CXXC5: variants seen among roughly 807,000 people sequenced by gnomAD.
The protein encoded by CXXC5 is CXXC-type zinc finger protein 5.
CXXC5 carries 2 observed loss-of-function variants against 17.6 expected under a neutral mutation model. The observed-to-expected ratio is 0.11, with a 90% CI of 0.05 to 0.36. The LOEUF (loss-of-function observed/expected upper bound fraction) is 0.36, where lower values mean the gene tolerates loss of function less well. Among genes scored for constraint, CXXC5 ranks in the 10% least tolerant of loss-of-function variants. CXXC5 has a pLI of 1.00. For missense variants in CXXC5, 343 were observed against 458.3 expected, an observed-to-expected ratio of 0.75 and a Z score of 2.30; for synonymous variants, 171 against 193.0, an observed-to-expected ratio of 0.89 and a Z score of 0.94.
chr5:139,671,789 C>T (rs772424169), intron 1 of CXXC5, among the ~76,000 whole-genome samples: 34 of 152,234 alleles, frequency 2.2e-4, no homozygotes, highest in Non-Finnish European at 2.1e-4. Flanking sequence ...TTCCCCAAGC[C>T]GAGAGCTGAA....
At position 139,658,941 on chromosome 5, in the gene CXXC5, C is replaced by T. The variant is rs1334623560; in HGVS notation, c.-161+10096C>T. Reference sequence around the variant, plus strand: ...CTGAGAGATTCTGTTTGGAGTCATCCTAATGCCTCCAGAAGCCTGGGAGGG... The same window carrying T: ...CTGAGAGATTCTGTTTGGAGTCATCTTAATGCCTCCAGAAGCCTGGGAGGG... On this transcript the variant is annotated intron_variant, in intron 1 of 2. Transcript: ENST00000302517. This position sits in a 1 kb window ranked among gnomAD's most constrained non-coding sequence, Gnocchi z 4.1. Among the ~76,000 whole-genome samples the T allele has an allele frequency of 1.3e-5, 2 of 152,238 alleles. No homozygotes were observed. The highest frequency in any genetic ancestry group is 2.9e-5 in the Non-Finnish European group (2 of 68,046).
chr5:139,656,619 G>C (rs1261782284), intron 1 of CXXC5, among the ~76,000 whole-genome samples: 4 of 151,984 alleles, frequency 2.6e-5, no homozygotes, highest in African/African-American at 4.9e-5. Context: ...ATATGGCAGT[G>C]ATTACTTCTT....
rs1331626591 is a variant in CXXC5 at position 139,668,421 on chromosome 5, G to A, written c.-160-11943G>A. On this transcript the variant is annotated intron_variant, in intron 1 of 2. Transcript: ENST00000302517. The surrounding 1 kb of genome is among the most constrained non-coding windows in gnomAD (Gnocchi z 4.1). ...TGGCGGCCGCGTCTGCCGCCCCGGC[G>A]CCCGCCCGGGTCCCAGGCCGACTAA... Among the ~76,000 whole-genome samples, 1 of 151,916 alleles carries A rather than the reference G, an allele frequency of 6.6e-6. No homozygotes were observed. The highest frequency in any genetic ancestry group is 2.4e-5 in the African/African-American group (1 of 41,370).
chr5:139,678,973 TGAG>T (rs2126820026), intron 1 of CXXC5, among the ~76,000 whole-genome samples: 1 of 152,328 alleles, frequency 6.6e-6, no homozygotes, highest in South Asian at 2.1e-4. Flanking sequence ...TCCCTTCAGC[TGAG>T]GAGGCAGCTC....
In CXXC5 at chr5:139,665,062, G is replaced by T. The variant is rs982140417; in HGVS notation, c.-160-15302G>T. Among the ~76,000 whole-genome samples, 6 of 152,214 alleles carry T rather than the reference G, an allele frequency of 3.9e-5. No individual in the cohort carries two copies. The South Asian group carries it at 1.2e-3, about 32-fold the overall frequency. On this transcript the variant is annotated intron_variant, in intron 1 of 2. Transcript: ENST00000302517. The stretch of plus-strand genomic sequence containing the variant: ...TCTTGAGGATTCTGGGAAGGAGATG[G>T]TGCCAATCTGCTGGCTCAGCCAGCT...
intron 1 of CXXC5, among the ~76,000 whole-genome samples, chr5:139,654,845 A>T (rs1173373862): frequency 1.3e-5 from 2 of 152,144 alleles, no homozygotes; most frequent in African/African-American, 4.8e-5. Flanking sequence ...AGGCTCAGGG[A>T]CAAGGGGACT....
intron 1 of CXXC5, among the ~76,000 whole-genome samples, chr5:139,671,636 C>T (rs564084415): frequency 1.3e-5 from 2 of 152,230 alleles, no homozygotes; most frequent in Non-Finnish European, 2.9e-5. Context: ...GCGGAATGCC[C>T]GGAGCTCTGG....
At position 139,663,766 on chromosome 5, in the gene CXXC5, C is replaced by T. The variant is rs1259157454; in HGVS notation, c.-161+14921C>T. ...GTGGACAGTAAAAACAACAACATGGCTATCCTTAGTTGAGCACCTACTGCA... is the reference window on the plus strand; with the variant it reads ...GTGGACAGTAAAAACAACAACATGGTTATCCTTAGTTGAGCACCTACTGCA... On this transcript the variant is annotated intron_variant, in intron 1 of 2. Coordinates refer to ENST00000302517, the MANE Select transcript of CXXC5 (RefSeq NM_016463.9). This position sits in a 1 kb window ranked among gnomAD's most constrained non-coding sequence, Gnocchi z 4.2. Among the ~76,000 whole-genome samples, 5 of 152,234 alleles carry T rather than the reference C, an allele frequency of 3.3e-5. No individual in the cohort carries two copies. Among genetic ancestry groups the T allele is most frequent in the African/African-American group, 1.2e-4 (5 of 41,456 alleles).
rs145308651 is a variant in CXXC5 at position 139,665,389 on chromosome 5, T to C, written c.-160-14975T>C. Among the ~76,000 whole-genome samples, 1,118 of 152,330 alleles carry C rather than the reference T, an allele frequency of 7.3e-3. 8 individuals carry two copies. The highest frequency in any genetic ancestry group is 0.014 in the Admixed American group (216 of 15,296). ...GCACCGGGATGAGCTGGGCCGGCCATGGGTCTCCCAGAGCCCCCACCTCCT... is the reference window on the plus strand; with the variant it reads ...GCACCGGGATGAGCTGGGCCGGCCACGGGTCTCCCAGAGCCCCCACCTCCT... On this transcript the variant is annotated intron_variant, in intron 1 of 2. Transcript: ENST00000302517.
At chr5:139,672,612 A>AG (rs1316129016) in intron 1 of CXXC5, among the ~76,000 whole-genome samples, 23 of 152,200 alleles carry the variant, frequency 1.5e-4, no homozygotes, top group African/African-American at 5.1e-4. Context: ...CTTCCTCCTG[A>AG]GGTCTGGAGG....
At chr5:139,677,033 C>T (rs1018244671) in intron 1 of CXXC5, among the ~76,000 whole-genome samples, 17 of 151,902 alleles carry the variant, frequency 1.1e-4, no homozygotes, top group African/African-American at 4.1e-4. Context: ...TCCCAGCTCC[C>T]GGCTGGCCGG....
chr5:139,667,462 C>T (rs902877587), intron 1 of CXXC5, among the ~76,000 whole-genome samples: 1 of 152,214 alleles, frequency 6.6e-6, no homozygotes, highest in African/African-American at 2.4e-5. Flanking sequence ...GCATAGGGCT[C>T]TTGTGCCCCT....
At position 139,648,411 on chromosome 5, in the gene CXXC5, CTGGCGGCAA is replaced by C. The variant is rs1754972971; in HGVS notation, c.-594_-586del. 1 of 156,920 alleles carries C rather than the reference CTGGCGGCAA, an allele frequency of 6.4e-6. No individual in the cohort carries two copies. Among genetic ancestry groups the C allele is most frequent in the Non-Finnish European group, 1.4e-5 (1 of 71,442 alleles). The allele number at this position is 156,920 out of a possible 1,614,324, so 9.7% of individuals were successfully genotyped here. A position where few individuals can be genotyped will look rare whatever the true frequency, so the allele number is the denominator to read the frequency against. ...AGAGGCGGCGGCAGCAGAGGCGGCA[CTGGCGGCAA>C]GAGCAGACGCCCGAGCCGAGCGAGA... On this transcript the variant is annotated 5_prime_UTR_variant, in exon 1 of 3. Coordinates refer to ENST00000302517, the MANE Select transcript of CXXC5 (RefSeq NM_016463.9).
chr5:139,648,550 G>GAGC lies in CXXC5; in HGVS notation c.-455_-453dup, dbSNP rs533013649. The GAGC allele has an allele frequency of 9.1e-3, 1,379 of 152,154 alleles. 13 individuals carry two copies. The highest frequency in any genetic ancestry group is 0.041 in the Middle Eastern group (12 of 296). The allele number at this position is 152,154 out of a possible 1,614,324, so 9.4% of individuals were successfully genotyped here. On this transcript the variant is annotated 5_prime_UTR_variant, in exon 1 of 3. Coordinates refer to ENST00000302517, the MANE Select transcript of CXXC5 (RefSeq NM_016463.9). ...CTGCTGAGTCCGGGCGCCGCACGCT[G>GAGC]AGCCCTCCGCCCGCGAGCCGCGCTC... is the stretch of plus-strand genomic sequence containing the variant.
In CXXC5 at chr5:139,668,581, A is replaced by G. The variant is rs1429469077; in HGVS notation, c.-160-11783A>G. Among the ~76,000 whole-genome samples the G allele has an allele frequency of 6.6e-6, 1 of 151,684 alleles. No homozygotes were observed. Among genetic ancestry groups the G allele is most frequent in the African/African-American group, 2.4e-5 (1 of 41,272 alleles). ...AGCTGGCCGCGTTTCTCGGGGCGGG[A>G]GCCAGCTCTGCTCGCCTGGCTTAAC... On this transcript the variant is annotated intron_variant, in intron 1 of 2. Transcript: ENST00000302517. The surrounding 1 kb of genome is among the most constrained non-coding windows in gnomAD (Gnocchi z 4.1).
At chr5:139,679,346 T>C (rs1757050446) in intron 1 of CXXC5, among the ~76,000 whole-genome samples, 1 of 152,232 alleles carries the variant, frequency 6.6e-6, no homozygotes, top group Non-Finnish European at 1.5e-5. Flanking sequence ...GAAGGAAGCG[T>C]GTGCCAGGGT....
intron 2 of CXXC5, 70 bp downstream of exon 2, chr5:139,681,517 C>T (rs1757236755): frequency 6.7e-7 from 1 of 1,497,820 alleles, no homozygotes; most frequent in African/African-American, 1.4e-5. Flanking sequence ...ACCCCCATCC[C>T]CTGACCCCAC....
chr5:139,667,914 C>A (rs1041979732), intron 1 of CXXC5, among the ~76,000 whole-genome samples: 2 of 152,210 alleles, frequency 1.3e-5, no homozygotes. Flanking sequence ...CCAGCAGCTG[C>A]GGTGGCTCCA....
intron 1 of CXXC5, among the ~76,000 whole-genome samples, chr5:139,667,258 T>A (rs1474553308): frequency 6.6e-6 from 1 of 152,156 alleles, no homozygotes; most frequent in African/African-American, 2.4e-5. Flanking sequence ...TCCTCCCACC[T>A]CACCTCCTCC....
Sources: gnomAD v4.1 joint callset for allele counts (sites outside exome capture counted in the v4.1 genomes callset) on GRCh38, gnomAD v4.1.1 for gene constraint, Gnocchi (gnomAD v3.1) non-coding constraint, MANE v1.5 for transcripts, NCBI Gene and HGNC (gene_info 2026-07-23, HGNC 2026-07-21) for gene names.